Variants in FBN2 observed in about 807,000 individuals in gnomAD.
FBN2 encodes fibrillin 2, also known as fibrillin-2.
FBN2 carries 105 observed loss-of-function variants against 355.6 expected under a neutral mutation model. The ratio of observed to expected loss-of-function variants is 0.30; its 90% confidence interval spans 0.25 to 0.35. The LOEUF (loss-of-function observed/expected upper bound fraction) is 0.35. FBN2 is among the 10% of genes least tolerant of loss of function. FBN2 has a pLI of 1.00. For missense variants in FBN2, 3,280 were observed against 3,758.7 expected (o/e 0.87, Z 3.33); for synonymous variants, 1,350 against 1,301.2 (o/e 1.04, Z -0.81).
At chr5:128,317,153 G>T (rs543469027) in intron 36 of FBN2, among the ~76,000 whole-genome samples, 1 of 152,144 alleles carries the variant, frequency 6.6e-6, no homozygotes, top group South Asian at 2.1e-4. Flanking sequence ...CTCCTTAAAG[G>T]CTGTGACTCC....
chr5:128,467,339 T>C (rs1198720853), intron 5 of FBN2, among the ~76,000 whole-genome samples: 1 of 152,188 alleles, frequency 6.6e-6, no homozygotes, highest in East Asian at 1.9e-4. Flanking sequence ...TTACAAAATA[T>C]GCTGAACCTA....
In FBN2 at chr5:128,318,984, A is replaced by C. The variant is rs150986564; in HGVS notation, c.4489T>G (p.Phe1497Val). Residue 1497 changes from phenylalanine to valine, a missense_variant, in exon 35 of 65, where the codon TTC (phenylalanine) becomes GTC (valine). Physicochemically the swap from Phe to Val is conservative, Grantham distance 50. Transcript: ENST00000262464. Reference sequence around the variant, plus strand: ...GTTCCAAAGACACAAATGTTTTGGAAGGAGCATTCATCAATATCTGAAGAT... The same window carrying C: ...GTTCCAAAGACACAAATGTTTTGGACGGAGCATTCATCAATATCTGAAGAT... ...RSCQDIDECS[F>V]QNICVFGTCN... The C allele has an allele frequency of 1.9e-6, 3 of 1,609,600 alleles. No homozygotes were observed. The African/African-American group carries it at 4.0e-5, about 22-fold the overall frequency.
At chr5:128,274,047 T>G (rs1440368764) in intron 60 of FBN2, 79 bp from the exon 61 acceptor site, 4 of 1,540,266 alleles carry the variant, frequency 2.6e-6, no homozygotes, top group Non-Finnish European at 3.6e-6. Flanking sequence ...TAAAAAGCAA[T>G]GTATGAAAAC....
At chr5:128,379,760 C>T (rs749824708) in intron 11 of FBN2, among the ~76,000 whole-genome samples, 58 of 151,974 alleles carry the variant, frequency 3.8e-4, no homozygotes, top group Non-Finnish European at 8.5e-4. Context: ...TCAGCAATGC[C>T]CACTAAATAT....
chr5:128,405,588 C>T (rs756001952), intron 8 of FBN2, among the ~76,000 whole-genome samples: 1 of 151,970 alleles, frequency 6.6e-6, no homozygotes, highest in African/African-American at 2.4e-5. Context: ...CAATGCAGAA[C>T]AAAAATATGA....
chr5:128,475,989 A>G (rs1754999128), intron 5 of FBN2, among the ~76,000 whole-genome samples: 1 of 152,198 alleles, frequency 6.6e-6, no homozygotes, highest in Non-Finnish European at 1.5e-5. Context: ...AATTATTCCT[A>G]CAATCTCAAT....
intron 7 of FBN2, among the ~76,000 whole-genome samples, chr5:128,444,619 C>T (rs1754018371): frequency 6.6e-6 from 1 of 152,194 alleles, no homozygotes; most frequent in South Asian, 2.1e-4. Flanking sequence ...CAAAGAAAGG[C>T]ACGACTGGAT....
intron 6 of FBN2, among the ~76,000 whole-genome samples, chr5:128,453,515 AT>A (rs1754310909): frequency 6.6e-6 from 1 of 152,210 alleles, no homozygotes. Flanking sequence ...TTAAATTTCC[AT>A]TAAAAATGTT....
chr5:128,380,192 G>A (rs548610793), intron 11 of FBN2, among the ~76,000 whole-genome samples: 4 of 152,136 alleles, frequency 2.6e-5, no homozygotes, highest in East Asian at 3.9e-4. Context: ...CCAAAGGAAC[G>A]AAGCAAAATG....
chr5:128,394,020 G>C (rs1198092793), intron 9 of FBN2, among the ~76,000 whole-genome samples: 1 of 152,100 alleles, frequency 6.6e-6, no homozygotes, highest in African/African-American at 2.4e-5. Context: ...ACTACTAGTG[G>C]AACTGGGAGA....
At chr5:128,395,376 C>T in intron 8 of FBN2, 102 bp from the exon 9 acceptor site, 2 of 1,218,752 alleles carry the variant, frequency 1.6e-6, no homozygotes, top group Non-Finnish European at 2.4e-6. Flanking sequence ...ACTCATACCA[C>T]TTAATCTCTG....
chr5:128,512,949 A>G (rs1322028192), intron 5 of FBN2, among the ~76,000 whole-genome samples: 2 of 152,242 alleles, frequency 1.3e-5, no homozygotes. Context: ...CATAATAGAT[A>G]TATATTATAT....
At chr5:128,433,562 C>A (rs1367956800) in intron 7 of FBN2, among the ~76,000 whole-genome samples, 2 of 152,142 alleles carry the variant, frequency 1.3e-5, no homozygotes, top group Non-Finnish European at 2.9e-5. Flanking sequence ...GTCACATAGT[C>A]CTGGTAGCAT....
intron 25 of FBN2, among the ~76,000 whole-genome samples, chr5:128,341,521 G>A (rs925796520): frequency 7.2e-5 from 11 of 152,306 alleles, no homozygotes; most frequent in African/African-American, 2.6e-4. Context: ...GCCCTCAGAT[G>A]CCCACTATTC....
chr5:128,301,514 T>C lies in FBN2; in HGVS notation c.5918-4A>G, dbSNP rs1382347293. ...AAGGAACTGCACTCATCTATGTCTG[T>C]AAGCAAACAGGAGTATGTTTTTCAG... On this transcript the variant is annotated splice_polypyrimidine_tract_variant and splice_region_variant and intron_variant, in intron 46 of 64. Transcript: ENST00000262464. The C allele has an allele frequency of 6.8e-6, 11 of 1,612,796 alleles. No individual in the cohort carries two copies. Among genetic ancestry groups the C allele is most frequent in the African/African-American group, 1.3e-5 (1 of 74,926 alleles).
At chr5:128,434,394 G>GTATATATGTATATATATATATATATA in intron 7 of FBN2, among the ~76,000 whole-genome samples, 1 of 91,680 alleles carries the variant, frequency 1.1e-5, no homozygotes, top group South Asian at 3.8e-4. Flanking sequence ...AATAAAGTGT[G>GTATATATGTATATATATATATATATA]TATATATATA....
chr5:128,473,822 GA>G (rs2127097359), intron 5 of FBN2, among the ~76,000 whole-genome samples: 1 of 152,328 alleles, frequency 6.6e-6, no homozygotes, highest in Admixed American at 6.5e-5. Flanking sequence ...TGCATTGAGA[GA>G]AACATTAAAG....
In FBN2 at chr5:128,339,017, T is replaced by C; in HGVS notation, c.3388A>G (p.Ile1130Val). 1 of 1,613,960 alleles carries C rather than the reference T, an allele frequency of 6.2e-7. No homozygotes were observed. The highest frequency in any genetic ancestry group is 8.5e-7 in the Non-Finnish European group (1 of 1,179,834). The stretch of plus-strand genomic sequence containing the variant: ...AAGCTGCCCGGTGTATTGACGCAGA[T>C]TCCACTGCCACAGAGGTCAGGAGAA... ...RISPDLCGSG[I>V]CVNTPGSFEC... The change falls in exon 26 of 65, where the codon ATC becomes GTC. Residue 1130 changes from isoleucine to valine, a missense_variant. By Grantham distance (29) the Ile-to-Val change is conservative. Transcript: ENST00000262464.
chr5:128,284,193 G>A lies in FBN2; in HGVS notation c.7012+2525C>T, dbSNP rs572800970. 1.2e-4 allele frequency among the ~76,000 whole-genome samples: 18 copies of A among 152,256 alleles called. No homozygotes were observed. The East Asian group carries it at 3.3e-3, about 28-fold the overall frequency. ...TACTCTATGCCAAGCATTGTACTAA[G>A]GGTTTCATGTGAATTTTTTAATTTA... On this transcript the variant is annotated intron_variant, in intron 55 of 64. Coordinates refer to ENST00000262464, the MANE Select transcript of FBN2 (RefSeq NM_001999.4).
Sources: allele counts gnomAD v4.1 joint callset (sites outside exome capture counted in the v4.1 genomes callset), GRCh38; gene constraint gnomAD v4.1.1; transcripts MANE v1.5; gene names NCBI Gene and HGNC (gene_info 2026-07-23, HGNC 2026-07-21).